Variants in WWC1 observed in about 807,000 individuals in gnomAD.
The protein encoded by WWC1 is protein KIBRA.
A neutral mutation model predicts 138.4 loss-of-function variants in WWC1; 55 were observed. That is an observed-to-expected ratio of 0.40 (90% confidence interval 0.32 to 0.50). The LOEUF is 0.50. WWC1 is among the 20% of genes least tolerant of loss of function. The probability of loss-of-function intolerance (pLI) is 0.72; values close to 1 mark genes in which losing one functional copy is unlikely to be tolerated. For missense variants in WWC1, 1,226 were observed against 1,420.4 expected (o/e 0.86, Z 2.20); for synonymous variants, 524 against 564.9 (o/e 0.93, Z 1.03).
At chr5:168,420,494 T>C (rs1781006588) in intron 9 of WWC1, among the ~76,000 whole-genome samples, 1 of 152,156 alleles carries the variant, frequency 6.6e-6, no homozygotes, top group African/African-American at 2.4e-5. Flanking sequence ...GACTTCGATG[T>C]AGGATTTCGG....
At position 168,464,744 on chromosome 5, in the gene WWC1, T is replaced by C. The variant is rs1757111933; in HGVS notation, c.2932T>C (p.Ser978Pro). 1 of 1,614,044 alleles carries C rather than the reference T, an allele frequency of 6.2e-7. No individual in the cohort carries two copies. The highest frequency in any genetic ancestry group is 8.5e-7 in the Non-Finnish European group (1 of 1,180,020). The change falls in exon 21 of 23, where the codon TCG becomes CCG. Residue 978 changes from serine to proline, a missense_variant. Coordinates refer to ENST00000265293, the MANE Select transcript of WWC1 (RefSeq NM_015238.3). ...VRMKRPSSVK[S>P]LRSERLIRTS... ...ACCCCCACAGCCTTCCTCGGTCAAG[T>C]CGCTGCGCTCCGAGCGTCTGATCCG...
At chr5:168,438,372 A>G (rs1754434815) in intron 15 of WWC1, among the ~76,000 whole-genome samples, 1 of 152,124 alleles carries the variant, frequency 6.6e-6, no homozygotes, top group Non-Finnish European at 1.5e-5. Context: ...TGATGGTTAT[A>G]TAAGGGGCTT....
intron 1 of WWC1, among the ~76,000 whole-genome samples, chr5:168,322,136 G>A (rs1442980373): frequency 6.6e-6 from 1 of 152,156 alleles, no homozygotes; most frequent in East Asian, 1.9e-4. Flanking sequence ...AACATGACAT[G>A]TGATTTTGTA....
intron 3 of WWC1, among the ~76,000 whole-genome samples, chr5:168,396,404 A>G (rs183135873): frequency 7.7e-4 from 115 of 148,694 alleles, no homozygotes; most frequent in South Asian, 2.6e-3. Context: ...AAGAAAAGAA[A>G]AGAAAAACCC....
chr5:168,352,844 A>G (rs1295341424), intron 1 of WWC1, among the ~76,000 whole-genome samples: 2 of 152,094 alleles, frequency 1.3e-5, no homozygotes, highest in African/African-American at 4.8e-5. Flanking sequence ...TCGGCCTCTC[A>G]AATTGCTGGG....
intron 15 of WWC1, among the ~76,000 whole-genome samples, chr5:168,438,163 C>G (rs1231498216): frequency 6.6e-6 from 1 of 152,140 alleles, no homozygotes; most frequent in Admixed American, 6.5e-5. Flanking sequence ...TTTCCCCACT[C>G]AACACCGTGC....
At chr5:168,446,307 G>T (rs572545940) in intron 17 of WWC1, among the ~76,000 whole-genome samples, 10 of 136,410 alleles carry the variant, frequency 7.3e-5, no homozygotes, top group Admixed American at 2.3e-4. Flanking sequence ...TATTGCCGAA[G>T]AGAGACTTTC....
intron 21 of WWC1, among the ~76,000 whole-genome samples, chr5:168,467,175 G>A (rs549574923): frequency 1.2e-4 from 19 of 152,240 alleles, no homozygotes; most frequent in African/African-American, 4.3e-4. Flanking sequence ...GGAGAATGGC[G>A]TGAACCCAGG....
intron 1 of WWC1, among the ~76,000 whole-genome samples, chr5:168,355,109 A>T (rs78198090): frequency 0.018 from 2,786 of 152,298 alleles, 38 homozygotes; most frequent in South Asian, 0.056. Context: ...GGAGAGACAG[A>T]CAGTCAACAT....
chr5:168,303,117 A>C (rs964724031), intron 1 of WWC1, among the ~76,000 whole-genome samples: 20 of 152,204 alleles, frequency 1.3e-4, no homozygotes, highest in African/African-American at 4.8e-4. Flanking sequence ...AGACAAGGAA[A>C]CTGAAGACAA....
intron 5 of WWC1, among the ~76,000 whole-genome samples, chr5:168,401,083 C>A (rs1779273508): frequency 1.3e-5 from 2 of 150,330 alleles, no homozygotes; most frequent in African/African-American, 2.5e-5. Flanking sequence ...AAAGTGAGAC[C>A]CTGTCTCGAA....
chr5:168,337,445 CCTCTAAATGG>C (rs1773584331), intron 1 of WWC1, among the ~76,000 whole-genome samples: 1 of 152,160 alleles, frequency 6.6e-6, no homozygotes, highest in African/African-American at 2.4e-5. Flanking sequence ...TGGGAGGGTG[CCTCTAAATGG>C]CTAGGGGCCA....
At position 168,371,964 on chromosome 5, in the gene WWC1, G is replaced by A. The variant is rs867578105; in HGVS notation, c.229+431G>A. Among the ~76,000 whole-genome samples, 2 of 151,954 alleles carry A rather than the reference G, an allele frequency of 1.3e-5. 1 individual carries two copies. The highest frequency in any genetic ancestry group is 4.8e-5 in the African/African-American group (2 of 41,350). On this transcript the variant is annotated intron_variant, in intron 2 of 22. Transcript: ENST00000265293. ...GTCATTGCCAGACTATCTTAGAGCA[G>A]CCAGAGCCCTAGCAGGCCCCCCACA... is the stretch of plus-strand genomic sequence containing the variant.
chr5:168,350,536 T>C (rs529014620), intron 1 of WWC1, among the ~76,000 whole-genome samples: 1 of 152,310 alleles, frequency 6.6e-6, no homozygotes, highest in East Asian at 1.9e-4. Flanking sequence ...TGGACTGAAG[T>C]TGAGCATGCC....
chr5:168,389,597 G>GTTTTTTTTTTTTTTTTTTTTT (rs55873477), intron 3 of WWC1, among the ~76,000 whole-genome samples: 4 of 129,336 alleles, frequency 3.1e-5, no homozygotes, highest in Admixed American at 8.0e-5. Context: ...TTGAATTTTT[G>GTTTTTTTTTTTTTTTTTTTTT]TTTTTTTTTT....
intron 1 of WWC1, among the ~76,000 whole-genome samples, chr5:168,347,775 A>C (rs1461568298): frequency 2.0e-5 from 3 of 152,162 alleles, no homozygotes; most frequent in African/African-American, 7.2e-5. Context: ...CCAAAAAAAA[A>C]ATCCCTATAT....
Position 168,406,201 on chromosome 5 carries a change from C to T in WWC1, c.594C>T (p.Ile198=), listed in dbSNP as rs767253675. 1.1e-5 allele frequency: 17 copies of T among 1,613,480 alleles called. No homozygotes were observed. Among genetic ancestry groups the T allele is most frequent in the South Asian group, 4.4e-5 (4 of 91,058 alleles). ...TTTCCCATTAACTGTCTCCTAGAAT[C>T]GATAAGAAAATGTCTGATGCTCAGG... ...KERGFQTLKK[I]DKKMSDAQGS... The change falls in exon 6 of 23, where the codon ATC becomes ATT. Residue 198 remains isoleucine, a synonymous_variant. Coordinates refer to ENST00000265293, the MANE Select transcript of WWC1 (RefSeq NM_015238.3).
intron 20 of WWC1, 143 bp downstream of exon 20, chr5:168,460,885 C>T (rs989460351): frequency 3.3e-5 from 27 of 809,946 alleles, no homozygotes; most frequent in Middle Eastern, 3.4e-4. Context: ...CAAGCATTTG[C>T]GAACAGATGT....
chr5:168,339,884 CCTCT>C (rs201430187), intron 1 of WWC1, among the ~76,000 whole-genome samples: 2,367 of 115,906 alleles, frequency 0.02, 76 homozygotes, highest in African/African-American at 0.076. Context: ...TCCCTCTCTC[CCTCT>C]CTCTCTGTCT....
Sources: allele counts gnomAD v4.1 joint callset (sites outside exome capture counted in the v4.1 genomes callset), GRCh38; gene constraint gnomAD v4.1.1; transcripts MANE v1.5; gene names NCBI Gene and HGNC (gene_info 2026-07-23, HGNC 2026-07-21).